Variants in TRPS1 observed in about 807,000 individuals in gnomAD.
The protein encoded by TRPS1 is transcriptional repressor GATA binding 1.
Under a neutral mutation model 101.2 loss-of-function variants are expected in TRPS1, and 6 were observed. The observed-to-expected ratio is 0.06, with a 90% CI of 0.03 to 0.12. TRPS1 has a LOEUF of 0.12. Ranked by LOEUF, TRPS1 falls within the 10% of genes least tolerant of loss-of-function variation. TRPS1 has a pLI of 1.00. For synonymous variants in TRPS1, 578 were observed against 589.8 expected, an observed-to-expected ratio of 0.98 and a Z score of 0.29; for missense variants, 1,363 against 1,567.0, an observed-to-expected ratio of 0.87 and a Z score of 2.20.
chr8:115,603,952 C>T lies in TRPS1; in HGVS notation c.2017G>A (p.Val673Ile), dbSNP rs371305338. The part of the protein sequence containing the change: ...HLQGSDGQQS[V>I]KESKEHSCTK... ...CATGAGTGTTCTTTGCTTTCCTTGA[C>T]AGACTGCTGCCCATCCGATCCTTGC... The change falls in exon 4 of 7, where the codon GTC (valine) becomes ATC (isoleucine). Residue 673 changes from valine to isoleucine, a missense_variant. Physicochemically the swap from Val to Ile is conservative, Grantham distance 29. Coordinates refer to ENST00000395715, the MANE Select transcript of TRPS1 (RefSeq NM_014112.5). The T allele has an allele frequency of 3.7e-6, 6 of 1,613,988 alleles. No homozygotes were observed. Among genetic ancestry groups the T allele is most frequent in the Admixed American group, 1.7e-5 (1 of 59,968 alleles).
intron 3 of TRPS1, among the ~76,000 whole-genome samples, chr8:115,616,052 A>C (rs1341511160): frequency 6.6e-6 from 1 of 151,658 alleles, no homozygotes; most frequent in Non-Finnish European, 1.5e-5. Context: ...AAGAATTTAC[A>C]TGTCTTCTGC....
rs190541494 is a variant in TRPS1 at position 115,595,162 on chromosome 8, G to A, written c.2097-7558C>T. 6.6e-5 allele frequency among the ~76,000 whole-genome samples: 10 copies of A among 152,028 alleles called. No homozygotes were observed. In the East Asian group the frequency reaches 1.7e-3, roughly 26 times the overall value. ...AAATTATCACAGAAGTGGGGAAAAG[G>A]GAGGTGATTCAAATACTTAAATTTA... is the stretch of plus-strand genomic sequence containing the variant. On this transcript the variant is annotated intron_variant, in intron 4 of 6. Transcript: ENST00000395715.
At position 115,415,068 on chromosome 8, in the gene TRPS1, T is replaced by C; in HGVS notation, c.2840A>G (p.Asn947Ser). The C allele has an allele frequency of 6.3e-7, 1 of 1,596,934 alleles. No individual in the cohort carries two copies. The highest frequency in any genetic ancestry group is 8.5e-7 in the Non-Finnish European group (1 of 1,175,614). Residue 947 changes from asparagine to serine, a missense_variant, in exon 7 of 7, where the codon AAC (asparagine) becomes AGC (serine). Physicochemically the swap from Asn to Ser is conservative, Grantham distance 46 (BLOSUM62 1). Around this residue, in one of 5 missense-constraint regions of TRPS1, gnomAD observed 12 missense variants for 28.0 expected, o/e 0.43. Coordinates refer to ENST00000395715, the MANE Select transcript of TRPS1 (RefSeq NM_014112.5). ...CTCACCGTTGTTTTGTTTAATGATG[T>C]TTAAAGGCCTGGGAGTCTGCAGAGA... ...QKLHSTPRPL[N>S]IIKQNNGEQI...
intron 5 of TRPS1, among the ~76,000 whole-genome samples, chr8:115,419,752 T>C (rs1563718154): frequency 1.3e-5 from 2 of 152,216 alleles, no homozygotes; most frequent in South Asian, 2.1e-4. Flanking sequence ...TCACAATGTA[T>C]CACTAAAAAG....
chr8:115,560,858 C>T (rs1441761661), intron 5 of TRPS1, among the ~76,000 whole-genome samples: 1 of 152,040 alleles, frequency 6.6e-6, no homozygotes, highest in African/African-American at 2.4e-5. Context: ...TTGGTAACAC[C>T]AAGTAAAACT....
At chr8:115,599,453 A>G (rs557809421) in intron 4 of TRPS1, among the ~76,000 whole-genome samples, 1 of 152,038 alleles carries the variant, frequency 6.6e-6, no homozygotes, top group East Asian at 1.9e-4. Flanking sequence ...TAAGCCCCAC[A>G]TGCATTAGGT....
intron 5 of TRPS1, among the ~76,000 whole-genome samples, chr8:115,479,669 A>AT (rs1366868662): frequency 3.3e-5 from 5 of 152,202 alleles, no homozygotes; most frequent in African/African-American, 1.2e-4. Context: ...CATTAATAAC[A>AT]TAACAGTCTA....
chr8:115,527,658 A>G (rs1375434446), intron 5 of TRPS1, among the ~76,000 whole-genome samples: 2 of 152,084 alleles, frequency 1.3e-5, no homozygotes, highest in African/African-American at 4.8e-5. Context: ...TCACTAGCCA[A>G]TTATACCCTC....
At chr8:115,611,331 G>GA (rs1220116437) in intron 3 of TRPS1, among the ~76,000 whole-genome samples, 2 of 152,096 alleles carry the variant, frequency 1.3e-5, no homozygotes, top group African/African-American at 4.8e-5. Flanking sequence ...TGGGAAAAGA[G>GA]AAAATCTAAT....
At chr8:115,648,478 ACGCAGCTCCTGTTGTGT>A (rs1586493468) in intron 1 of TRPS1, among the ~76,000 whole-genome samples, 1 of 152,170 alleles carries the variant, frequency 6.6e-6, no homozygotes, top group East Asian at 1.9e-4. Flanking sequence ...AGCGACACAC[ACGCAGCTCCTGTTGTGT>A]CGCCGCTGCC....
At chr8:115,477,084 T>C (rs760289096) in intron 5 of TRPS1, among the ~76,000 whole-genome samples, 1 of 152,188 alleles carries the variant, frequency 6.6e-6, no homozygotes, top group East Asian at 1.9e-4. Context: ...CATCCTATCA[T>C]TTAAAAAAGT....
At chr8:115,496,379 A>G (rs995719655) in intron 5 of TRPS1, among the ~76,000 whole-genome samples, 1 of 152,148 alleles carries the variant, frequency 6.6e-6, no homozygotes. Flanking sequence ...GTAACAATCA[A>G]TTGTTAAATA....
At chr8:115,490,895 A>C (rs1815004563) in intron 5 of TRPS1, among the ~76,000 whole-genome samples, 1 of 152,218 alleles carries the variant, frequency 6.6e-6, no homozygotes, top group Admixed American at 6.5e-5. Context: ...TTGAATACAC[A>C]ACTCAAAAGA....
At chr8:115,441,544 T>A (rs1813592404) in intron 5 of TRPS1, among the ~76,000 whole-genome samples, 1 of 152,174 alleles carries the variant, frequency 6.6e-6, no homozygotes, top group East Asian at 1.9e-4. Context: ...TTTTGTAGAT[T>A]CCTTTTCCTA....
chr8:115,467,473 A>G (rs914882177), intron 5 of TRPS1, among the ~76,000 whole-genome samples: 3 of 151,024 alleles, frequency 2.0e-5, no homozygotes, highest in Non-Finnish European at 4.4e-5. Flanking sequence ...TGCCTTTTGT[A>G]CCCAAATAAA....
intron 5 of TRPS1, among the ~76,000 whole-genome samples, chr8:115,469,622 C>T (rs1240569099): frequency 7.0e-6 from 1 of 142,764 alleles, no homozygotes; most frequent in African/African-American, 3.1e-5. Context: ...CCTCAGCCTC[C>T]CAAGTAGCTG....
At chr8:115,500,563 C>T (rs2130142881) in intron 5 of TRPS1, among the ~76,000 whole-genome samples, 1 of 152,214 alleles carries the variant, frequency 6.6e-6, no homozygotes, top group South Asian at 2.1e-4. Context: ...ACATTGTTGC[C>T]AGTTTATCAC....
intron 4 of TRPS1, among the ~76,000 whole-genome samples, chr8:115,597,870 T>C (rs942601165): frequency 6.6e-6 from 1 of 152,178 alleles, no homozygotes; most frequent in African/African-American, 2.4e-5. Flanking sequence ...GATACCTCAA[T>C]TTTCCTTTAG....
At chr8:115,482,750 C>A (rs1161622230) in intron 5 of TRPS1, among the ~76,000 whole-genome samples, 1 of 152,122 alleles carries the variant, frequency 6.6e-6, no homozygotes, top group Non-Finnish European at 1.5e-5. Flanking sequence ...TGACCATCAA[C>A]ATGGTTACAG....
Sources: allele counts gnomAD v4.1 joint callset (sites outside exome capture counted in the v4.1 genomes callset), GRCh38; gene constraint gnomAD v4.1.1; regional missense constraint gnomAD v4.1.1; transcripts MANE v1.5; gene names NCBI Gene and HGNC (gene_info 2026-07-23, HGNC 2026-07-21).